TEDC1: variants seen among roughly 807,000 people sequenced by gnomAD.
TEDC1 encodes tubulin epsilon and delta complex protein 1.
In TEDC1, 54 loss-of-function variants were observed where a neutral mutation model predicts 59.9. The ratio of observed to expected loss-of-function variants is 0.90; its 90% confidence interval spans 0.72 to 1.13. The LOEUF is 1.13. Among genes scored for constraint, TEDC1 ranks in the 50% most tolerant of loss-of-function variants. The probability of loss-of-function intolerance (pLI) is 0.00; values close to 1 mark genes in which losing one functional copy is unlikely to be tolerated. For missense variants in TEDC1, 734 were observed against 683.4 expected (o/e 1.07, Z -0.83); for synonymous variants, 353 against 298.1 (o/e 1.18, Z -1.90).
intron 8 of TEDC1, among the ~76,000 whole-genome samples, chr14:105,498,329 C>T (rs141471282): frequency 2.6e-5 from 4 of 152,338 alleles, no homozygotes; most frequent in African/African-American, 9.6e-5. Flanking sequence ...TCCTGGTGGC[C>T]ACCTGGGCCT....
intron 4 of TEDC1, 35 bp from the exon 5 acceptor site, chr14:105,493,800 G>T (rs782407779): frequency 1.5e-5 from 23 of 1,509,048 alleles, no homozygotes; most frequent in Non-Finnish European, 1.9e-5. Flanking sequence ...GTGCTTGACT[G>T]CCACTCAGCC....
chr14:105,498,776 G>T lies in TEDC1; in HGVS notation c.1318G>T (p.Ala440Ser). ...CCGGCTGGTGAGACGAGAGGATGGGGCAGCAGGGGACCGGGACCTGCGGGC... is the reference window on the plus strand; with the variant it reads ...CCGGCTGGTGAGACGAGAGGATGGGTCAGCAGGGGACCGGGACCTGCGGGC... ...PHRLVRREDG[A>S]AGDRDLRAAV... The change falls in exon 9 of 9, where the codon GCA becomes TCA. Residue 440 changes from alanine (A) to serine (S), a missense_variant. Coordinates refer to ENST00000392523, the MANE Select transcript of TEDC1 (RefSeq NM_001367178.1). 2 of 1,571,434 alleles carry T rather than the reference G, an allele frequency of 1.3e-6. No homozygotes were observed. Among genetic ancestry groups the T allele is most frequent in the Middle Eastern group, 1.7e-4 (1 of 5,908 alleles).
intron 3 of TEDC1, 124 bp downstream of exon 3, chr14:105,492,433 C>T (rs1595470656): frequency 6.8e-7 from 1 of 1,480,234 alleles, no homozygotes; most frequent in Non-Finnish European, 9.1e-7. Context: ...TGAAGGGTTA[C>T]CCAGCTGCCC....
intron 5 of TEDC1, 117 bp from the exon 6 acceptor site, chr14:105,495,763 G>T (rs1474210219): frequency 1.1e-6 from 1 of 875,792 alleles, no homozygotes; most frequent in African/African-American, 1.7e-5. Context: ...CAGTGCCTCT[G>T]TGGGACCACC....
Position 105,498,052 on chromosome 14 carries a change from C to G in TEDC1, c.1158+75C>G, listed in dbSNP as rs1401821979. The G allele has an allele frequency of 5.7e-6, 8 of 1,406,826 alleles. No homozygotes were observed. The African/African-American group carries it at 5.8e-5, about 10-fold the overall frequency. The allele number at this position is 1,406,826 out of a possible 1,614,324, so 87.1% of individuals were successfully genotyped here. A position where few individuals can be genotyped will look rare whatever the true frequency, so the allele number is the denominator to read the frequency against. On this transcript the variant is annotated intron_variant, in intron 8 of 8. Transcript: ENST00000392523. ...ATGGCTGACCTGAGGGCACTTTGGACTTGCTGAATCCTACAGTTGCATTTG... is the reference window on the plus strand; with the variant it reads ...ATGGCTGACCTGAGGGCACTTTGGAGTTGCTGAATCCTACAGTTGCATTTG...
chr14:105,497,341 G>A lies in TEDC1; in HGVS notation c.892-16G>A. ...TCCCGTGTGAGGTTCTAGGCCAGCTGCCGTTTGCCTTCCAGCTGCTGCGGA... is the reference window on the plus strand; with the variant it reads ...TCCCGTGTGAGGTTCTAGGCCAGCTACCGTTTGCCTTCCAGCTGCTGCGGA... On this transcript the variant is annotated splice_polypyrimidine_tract_variant and intron_variant, in intron 6 of 8. Coordinates refer to ENST00000392523, the MANE Select transcript of TEDC1 (RefSeq NM_001367178.1). 1.9e-6 allele frequency: 3 copies of A among 1,549,546 alleles called. No homozygotes were observed. The highest frequency in any genetic ancestry group is 2.6e-6 in the Non-Finnish European group (3 of 1,146,922).
In TEDC1 at chr14:105,493,703, G is replaced by T. The variant is rs916700238; in HGVS notation, c.586-132G>T. ...CCCCGCCAACCTCAGGCAAGGAGTG[G>T]CTTTCTCTGAGCCCTCTTTCCTCAT... On this transcript the variant is annotated intron_variant, in intron 4 of 8. Transcript: ENST00000392523. 120 of 668,884 alleles carry T rather than the reference G, an allele frequency of 1.8e-4. 4 individuals carry two copies. The South Asian group carries it at 2.1e-3, about 12-fold the overall frequency. The allele number at this position is 668,884 out of a possible 1,614,324, so 41.4% of individuals were successfully genotyped here. A position where few individuals can be genotyped will look rare whatever the true frequency, so the allele number is the denominator to read the frequency against.
chr14:105,492,634 C>T lies in TEDC1; in HGVS notation c.485C>T (p.Pro162Leu). Reference sequence around the variant, plus strand: ...GCACCCCACATGGAAGCAGAGGGTCCTGTGGATGTCCGCCATGTGCAGTGG... The same window carrying T: ...GCACCCCACATGGAAGCAGAGGGTCTTGTGGATGTCCGCCATGTGCAGTGG... ...PPAPHMEAEG[P>L]VDVRHVQWLM... The change falls in exon 4 of 9, where the codon CCT becomes CTT. Residue 162 changes from proline (P) to leucine (L), a missense_variant. Pro to Leu is a moderately conservative substitution (Grantham distance 98). Coordinates refer to ENST00000392523, the MANE Select transcript of TEDC1 (RefSeq NM_001367178.1). 1 of 1,543,736 alleles carries T rather than the reference C, an allele frequency of 6.5e-7. No homozygotes were observed. The highest frequency in any genetic ancestry group is 8.7e-7 in the Non-Finnish European group (1 of 1,146,900).
At chr14:105,491,197 C>G (rs2084197289), upstream of TEDC1, 1 of 1,547,444 alleles carries the variant, frequency 6.5e-7, no homozygotes, top group Non-Finnish European at 8.7e-7. Context: ...CAGGTCCCAG[C>G]CGGCGCGGTG....
intron 4 of TEDC1, 43 bp downstream of exon 4, chr14:105,492,777 G>C: frequency 6.6e-7 from 1 of 1,525,444 alleles, no homozygotes; most frequent in Non-Finnish European, 8.8e-7. Context: ...TGTGTCCCGT[G>C]CTGCAGGCCG....
intron 4 of TEDC1, among the ~76,000 whole-genome samples, chr14:105,493,284 C>T (rs1224600501): frequency 6.6e-6 from 1 of 152,114 alleles, no homozygotes; most frequent in Non-Finnish European, 1.5e-5. Flanking sequence ...TTGGAGACCC[C>T]CCCATCCCAC....
At chr14:105,496,186 C>A in intron 6 of TEDC1, 100 bp downstream of exon 6, 1 of 1,131,732 alleles carries the variant, frequency 8.8e-7, no homozygotes, top group Non-Finnish European at 1.2e-6. Context: ...CTCCTGCCTG[C>A]TCCCACCCCT....
Position 105,497,452 on chromosome 14 carries a change from GC to G in TEDC1, c.978+12del. On this transcript the variant is annotated intron_variant, in intron 7 of 8. Coordinates refer to ENST00000392523, the MANE Select transcript of TEDC1 (RefSeq NM_001367178.1). ...TCTTCTGGCGGTGGATGGTGAGGAA[GC>G]CCGCGCATCCCTCTCCCGGCATCCC... 6.5e-7 allele frequency: 1 copy of G among 1,543,984 alleles called. No individual in the cohort carries two copies. Among genetic ancestry groups the G allele is most frequent in the South Asian group, 1.2e-5 (1 of 84,116 alleles).
chr14:105,493,776 C>T (rs2084273775), intron 4 of TEDC1, 59 bp from the exon 5 acceptor site: 3 of 1,245,096 alleles, frequency 2.4e-6, no homozygotes, highest in Admixed American at 3.6e-5. Flanking sequence ...CATGGAGACT[C>T]AGCGTTGGGG....
intron 7 of TEDC1, 26 bp from the exon 8 acceptor site, chr14:105,497,772 A>G (rs1480677294): frequency 1.3e-6 from 2 of 1,511,614 alleles, no homozygotes; most frequent in Non-Finnish European, 1.8e-6. Context: ...GGCTTGGTGC[A>G]CGCTGTCTCA....
In TEDC1 at chr14:105,491,558, G is replaced by T. The variant is rs1555439288; in HGVS notation, c.147+36G>T. 3 of 1,536,962 alleles carry T rather than the reference G, an allele frequency of 2.0e-6. No individual in the cohort carries two copies. In the Admixed American group the frequency reaches 6.0e-5, roughly 31 times the overall value. On this transcript the variant is annotated intron_variant, in intron 1 of 8. Transcript: ENST00000392523. ...CGCGGAGGGCAGGCGGGCCGGGTGG[G>T]GTCCCGGGCCCTCGCAGGGAGTTGG...
rs1595472775 is a variant in TEDC1, at chr14:105,493,714, G to A, written c.586-121G>A. On this transcript the variant is annotated intron_variant, in intron 4 of 8. Transcript: ENST00000392523. The stretch of plus-strand genomic sequence containing the variant: ...TCAGGCAAGGAGTGGCTTTCTCTGA[G>A]CCCTCTTTCCTCATCTGGGAGGTGG... 1.0e-5 allele frequency: 7 copies of A among 700,300 alleles called. No homozygotes were observed. In the East Asian group the frequency reaches 1.4e-4, roughly 14 times the overall value. The allele number at this position is 700,300 out of a possible 1,614,324, so 43.4% of individuals were successfully genotyped here.
At chr14:105,490,733 G>A (rs1401913209), upstream of TEDC1, 21 of 417,970 alleles carry the variant, frequency 5.0e-5, no homozygotes, top group Non-Finnish European at 8.4e-5. Flanking sequence ...TGTGCGGCGC[G>A]GCGGGCTCTG....
chr14:105,497,404 G>C lies in TEDC1; in HGVS notation c.939G>C (p.Leu313=). Residue 313 remains leucine, a synonymous_variant, in exon 7 of 9, where the codon CTG becomes CTC. Transcript: ENST00000392523. ...ERENQRLEAV[L]AWRRSELVFW... is the part of the protein sequence containing the mutation. ...AGAACCAGCGCCTGGAGGCTGTCCT[G>C]GCGTGGCGGCGCTCTGAGCTGGTCT... 2 of 1,552,070 alleles carry C rather than the reference G, an allele frequency of 1.3e-6. No individual in the cohort carries two copies. Among genetic ancestry groups the C allele is most frequent in the Non-Finnish European group, 1.7e-6 (2 of 1,149,064 alleles).
Sources: gnomAD v4.1 joint callset for allele counts (sites outside exome capture counted in the v4.1 genomes callset) on GRCh38, gnomAD v4.1.1 for gene constraint, MANE v1.5 for transcripts, NCBI Gene and HGNC (gene_info 2026-07-23, HGNC 2026-07-21) for gene names.